MUC5AC: variants seen among roughly 807,000 people sequenced by gnomAD.
MUC5AC encodes the protein mucin 5AC, oligomeric mucus/gel-forming, also known as mucin-5AC.
In MUC5AC, 158 loss-of-function variants were observed where a neutral mutation model predicts 169.7. The observed-to-expected ratio is 0.93, with a 90% confidence interval of 0.82 to 1.06. MUC5AC has a LOEUF of 1.06. Ranked by LOEUF, MUC5AC falls within the 50% of genes least tolerant of loss-of-function variation. The pLI, the probability that MUC5AC is intolerant of heterozygous loss-of-function variation, is 0.00. For synonymous variants in MUC5AC, 1,975 were observed against 1,237.0 expected (o/e 1.60, Z -12.52); for missense variants, 4,359 against 3,089.9 (o/e 1.41, Z -9.74).
rs1353259851 is a variant in MUC5AC, at chr11:1,187,031, C to T, written c.8886C>T (p.Thr2962=). Reference sequence around the variant, plus strand: ...CCAGCACAATCTCTGTTCCTACCACCAGCACAACTTCTGCTTCTACAACCA... The same window carrying T: ...CCAGCACAATCTCTGTTCCTACCACTAGCACAACTTCTGCTTCTACAACCA... ...PTTSTISVPT[T]STTSASTTST... Residue 2962 remains threonine, a synonymous_variant, in exon 31 of 49, where the codon ACC becomes ACT. Transcript: ENST00000621226. 4.0e-6 allele frequency: 3 copies of T among 747,810 alleles called. No homozygotes were observed. The highest frequency in any genetic ancestry group is 7.3e-6 in the Non-Finnish European group (3 of 409,522). The allele number at this position is 747,810 out of a possible 1,614,324, so 46.3% of individuals were successfully genotyped here.
Position 1,196,398 on chromosome 11 carries a change from C to A in MUC5AC, c.15648C>A (p.Cys5216Ter). 1 of 764,948 alleles carries A rather than the reference C, an allele frequency of 1.3e-6. No individual in the cohort carries two copies. The allele number at this position is 764,948 out of a possible 1,614,324, so 47.4% of individuals were successfully genotyped here. ...TTCCCCTCCCCACAGCATTCACCTG[C>A]CCAGCCGACAAGGTGTACCAGCCCT... is the stretch of plus-strand genomic sequence containing the variant. ...GRTGHMCPFT[C>*]PADKVYQPCG... The change falls in exon 38 of 49, where the codon TGC becomes TGA. Residue 5216 changes from cysteine to a stop codon, truncating the protein, a stop_gained. Transcript: ENST00000621226. LOFTEE classifies it high-confidence loss of function.
intron 32 of MUC5AC, among the ~76,000 whole-genome samples, 175 bp from the exon 33 acceptor site, chr11:1,193,310 G>GC (rs1188039009): frequency 1 from 152,266 of 152,288 alleles, 76,122 homozygotes; most frequent in Middle Eastern, 1. Flanking sequence ...AGAGGCCCCT[G>GC]CCCGGGCCAG....
At chr11:1,180,719 G>A (rs1046752052) in intron 28 of MUC5AC, among the ~76,000 whole-genome samples, 1 of 152,292 alleles carries the variant, frequency 6.6e-6, no homozygotes, top group African/African-American at 2.4e-5. Context: ...TCCCAGAGGC[G>A]GGACTGGGTG....
rs1476099339 is a variant in MUC5AC, at chr11:1,186,926, T to G, written c.8781T>G (p.Ala2927=). 33 of 717,142 alleles carry G rather than the reference T, an allele frequency of 4.6e-5. No individual in the cohort carries two copies. The Admixed American group carries it at 6.4e-4, about 14-fold the overall frequency. The allele number at this position is 717,142 out of a possible 1,614,324, so 44.4% of individuals were successfully genotyped here. ...CCCCTACAAGCAGCACAACCTCAGC[T>G]ACTACAACCAGCACAATCTCTGTTC... ...TSAPTSSTTS[A]TTTSTISVPT... The change falls in exon 31 of 49, where the codon GCT becomes GCG. Residue 2927 remains alanine (A), a synonymous_variant. Transcript: ENST00000621226.
intron 15 of MUC5AC, among the ~76,000 whole-genome samples, chr11:1,170,988 CTACT>C (rs1263423271): frequency 7.9e-4 from 71 of 89,776 alleles, no homozygotes; most frequent in South Asian, 1.4e-3. Context: ...CCCCACTCAC[CTACT>C]CACTCACCCA....
Position 1,174,483 on chromosome 11 carries a change from C to T in MUC5AC, c.1966-13C>T. 5 of 1,508,014 alleles carry T rather than the reference C, an allele frequency of 3.3e-6. No homozygotes were observed. Among genetic ancestry groups the T allele is most frequent in the Non-Finnish European group, 3.6e-6 (4 of 1,118,036 alleles). The allele number at this position is 1,508,014 out of a possible 1,614,324, so 93.4% of individuals were successfully genotyped here. A position where few individuals can be genotyped will look rare whatever the true frequency, so the allele number is the denominator to read the frequency against. On this transcript the variant is annotated splice_polypyrimidine_tract_variant and intron_variant, in intron 16 of 48. Coordinates refer to ENST00000621226, the MANE Select transcript of MUC5AC (RefSeq NM_001304359.2). ...TGGGGTCTCTGATGCCCCGATGACCCCCTTCCCTGCAGAACTGCATGTTTG... is the reference window on the plus strand; with the variant it reads ...TGGGGTCTCTGATGCCCCGATGACCTCCTTCCCTGCAGAACTGCATGTTTG...
chr11:1,178,004 C>T (rs1479592495), intron 24 of MUC5AC, among the ~76,000 whole-genome samples: 10 of 152,202 alleles, frequency 6.6e-5, no homozygotes, highest in Non-Finnish European at 1.5e-4. Flanking sequence ...TCACTTGGAT[C>T]GCCGCCCCGT....
chr11:1,190,532 AACCTCTGCCCCTACAACCAGCACG>A lies in MUC5AC; in HGVS notation c.12393_12416del (p.Thr4135_Thr4142del), dbSNP rs1861062015. The A allele has an allele frequency of 4.8e-6, 3 of 631,036 alleles. No homozygotes were observed. The highest frequency in any genetic ancestry group is 5.9e-6 in the Non-Finnish European group (2 of 338,836). The allele number at this position is 631,036 out of a possible 1,614,324, so 39.1% of individuals were successfully genotyped here. A position where few individuals can be genotyped will look rare whatever the true frequency, so the allele number is the denominator to read the frequency against. ...CAACCTCTGCCCCTACAACCAGCAC[AACCTCTGCCCCTACAACCAGCACG>A]ACCTCAGCTCCTACACACAGAACGA... is the stretch of plus-strand genomic sequence containing the variant. On this transcript the variant is annotated inframe_deletion, in exon 31 of 49. Coordinates refer to ENST00000621226, the MANE Select transcript of MUC5AC (RefSeq NM_001304359.2).
Position 1,188,940 on chromosome 11 carries a change from C to T in MUC5AC, c.10795C>T (p.Gln3599Ter), listed in dbSNP as rs1446505908. 1.4e-6 allele frequency: 1 copy of T among 738,214 alleles called. No homozygotes were observed. The highest frequency in any genetic ancestry group is 2.5e-6 in the Non-Finnish European group (1 of 405,444). 45.7% of individuals were successfully genotyped at this position (738,214 alleles called of 1,614,324 possible). A position where few individuals can be genotyped will look rare whatever the true frequency, so the allele number is the denominator to read the frequency against. The change falls in exon 31 of 49, where the codon CAG becomes TAG. Residue 3599 changes from glutamine (Q) to a stop codon, truncating the protein, a stop_gained. Transcript: ENST00000621226. LOFTEE classifies it high-confidence loss of function. ...CGAAGAGGGCCTGGTGTGCCGGAACCAGGACCAGCAGGGACCCTTCAAGAT... is the reference window on the plus strand; with the variant it reads ...CGAAGAGGGCCTGGTGTGCCGGAACTAGGACCAGCAGGGACCCTTCAAGAT... Reference protein sequence around the residue: ...SREEGLVCRNQDQQGPFKMCL... With the variant: ...SREEGLVCRN
rs1303836709 is a variant in MUC5AC at position 1,175,892 on chromosome 11, C to G, written c.2402-259C>G. 8.5e-4 allele frequency among the ~76,000 whole-genome samples: 118 copies of G among 138,352 alleles called. 3 individuals are homozygous for G. The highest frequency in any genetic ancestry group is 3.2e-3 in the African/African-American group (116 of 36,078). 90.8% of individuals were successfully genotyped at this position (138,352 alleles called of 152,430 possible). On this transcript the variant is annotated intron_variant, in intron 19 of 48. Transcript: ENST00000621226. Reference sequence around the variant, plus strand: ...ACACATCCACTCATGCACATGCACACACACCCACACATGCACACACACCCA... The same window carrying G: ...ACACATCCACTCATGCACATGCACAGACACCCACACATGCACACACACCCA...
In MUC5AC at chr11:1,184,974, A is replaced by G. The variant is rs1860895242; in HGVS notation, c.6829A>G (p.Thr2277Ala). ...STTYAHTTST[T>A]SAPTARTTSA... Reference sequence around the variant, plus strand: ...AACCTATGCCCATACAACCAGCACAACCTCTGCTCCTACAGCCAGAACAAC... The same window carrying G: ...AACCTATGCCCATACAACCAGCACAGCCTCTGCTCCTACAGCCAGAACAAC... The change falls in exon 31 of 49, where the codon ACC (threonine) becomes GCC (alanine). Residue 2277 changes from threonine (T) to alanine (A), a missense_variant. Physicochemically the swap from Thr to Ala is moderately conservative, Grantham distance 58. Coordinates refer to ENST00000621226, the MANE Select transcript of MUC5AC (RefSeq NM_001304359.2). 3.0e-6 allele frequency: 2 copies of G among 667,284 alleles called. No individual in the cohort carries two copies. Among genetic ancestry groups the G allele is most frequent in the Non-Finnish European group, 5.4e-6 (2 of 367,114 alleles). 41.3% of individuals were successfully genotyped at this position (667,284 alleles called of 1,614,324 possible). A position where few individuals can be genotyped will look rare whatever the true frequency, so the allele number is the denominator to read the frequency against.
chr11:1,172,733 C>T (rs1030514564), intron 16 of MUC5AC, among the ~76,000 whole-genome samples: 1 of 151,726 alleles, frequency 6.6e-6, no homozygotes, highest in African/African-American at 2.4e-5. Context: ...ACATTCACCA[C>T]TCACCCACAC....
At position 1,186,022 on chromosome 11, in the gene MUC5AC, C is replaced by T; in HGVS notation, c.7877C>T (p.Thr2626Ile). ...PISSTTSATT[T>I]SRISGPETTP... is the part of the protein sequence containing the mutation. ...AGCAGCACAACCTCTGCCACTACAA[C>T]CAGCAGAATCTCTGGTCCTGAAACT... The change falls in exon 31 of 49, where the codon ACC (threonine) becomes ATC (isoleucine). Residue 2626 changes from threonine (T) to isoleucine (I), a missense_variant. Physicochemically the swap from Thr to Ile is moderately conservative, Grantham distance 89. Transcript: ENST00000621226. 2 of 730,652 alleles carry T rather than the reference C, an allele frequency of 2.7e-6. No individual in the cohort carries two copies. Among genetic ancestry groups the T allele is most frequent in the East Asian group, 2.5e-5 (1 of 39,542 alleles). 45.3% of individuals were successfully genotyped at this position (730,652 alleles called of 1,614,324 possible). A position where few individuals can be genotyped will look rare whatever the true frequency, so the allele number is the denominator to read the frequency against.
chr11:1,175,566 T>C (rs1443584481), intron 19 of MUC5AC, among the ~76,000 whole-genome samples: 1 of 110,400 alleles, frequency 9.1e-6, no homozygotes, highest in African/African-American at 3.5e-5. Flanking sequence ...CTCACACTCA[T>C]GCACATGCTC....
rs1860840267 is a variant in MUC5AC, at chr11:1,182,553, C to G, written c.4408C>G (p.Gln1470Glu). 5.0e-6 allele frequency: 2 copies of G among 398,686 alleles called. No homozygotes were observed. Among genetic ancestry groups the G allele is most frequent in the South Asian group, 1.3e-4 (1 of 7,862 alleles). The allele number at this position is 398,686 out of a possible 1,614,324, so 24.7% of individuals were successfully genotyped here. ...GGCATCGGGGCTCTGCTACAACTACCAGATCAGGGTCCAGTGCTGCACGCC... is the reference window on the plus strand; with the variant it reads ...GGCATCGGGGCTCTGCTACAACTACGAGATCAGGGTCCAGTGCTGCACGCC... ...EQASGLCYNY[Q>E]IRVQCCTPLP... is the part of the protein sequence containing the mutation. Residue 1470 changes from glutamine to glutamate, a missense_variant, in exon 31 of 49, where the codon CAG becomes GAG. Transcript: ENST00000621226.
At chr11:1,170,573 CCACTCACCTACTCACTCACT>C (rs1860480107) in intron 15 of MUC5AC, among the ~76,000 whole-genome samples, 2 of 134,698 alleles carry the variant, frequency 1.5e-5, no homozygotes, top group Non-Finnish European at 3.2e-5. Flanking sequence ...ACCCACTCAC[CCACTCACCTACTCACTCACT>C]CACTCACCCA....
intron 30 of MUC5AC, 126 bp from the exon 31 acceptor site, chr11:1,182,029 C>G (rs1021509996): frequency 2.5e-6 from 1 of 398,138 alleles, no homozygotes; most frequent in African/African-American, 2.1e-5. Context: ...GAGCAGGGAC[C>G]GCGGGTGGGG....
At chr11:1,197,747 T>C in intron 41 of MUC5AC, 108 bp downstream of exon 41, 1 of 630,730 alleles carries the variant, frequency 1.6e-6, no homozygotes, top group Non-Finnish European at 2.9e-6. Flanking sequence ...GGACAGTGCC[T>C]ACGAGGGCGT....
chr11:1,191,222 C>T lies in MUC5AC; in HGVS notation c.13077C>T (p.Thr4359=), dbSNP rs1168258167. 1.4e-5 allele frequency: 10 copies of T among 710,640 alleles called. No homozygotes were observed. Among genetic ancestry groups the T allele is most frequent in the African/African-American group, 4.4e-5 (2 of 45,668 alleles). The allele number at this position is 710,640 out of a possible 1,614,324, so 44.0% of individuals were successfully genotyped here. A position where few individuals can be genotyped will look rare whatever the true frequency, so the allele number is the denominator to read the frequency against. Residue 4359 remains threonine (T), a synonymous_variant, in exon 31 of 49, where the codon ACC becomes ACT. Coordinates refer to ENST00000621226, the MANE Select transcript of MUC5AC (RefSeq NM_001304359.2). ...PTTSTTSAPT[T]STTSASTAST... is the part of the protein sequence containing the mutation. Reference sequence around the variant, plus strand: ...CCAGCACAACCTCTGCTCCTACAACCAGCACAACCTCTGCCTCTACAGCCA... The same window carrying T: ...CCAGCACAACCTCTGCTCCTACAACTAGCACAACCTCTGCCTCTACAGCCA...
Sources: gnomAD v4.1 joint callset for allele counts (sites outside exome capture counted in the v4.1 genomes callset) on GRCh38, gnomAD v4.1.1 for gene constraint, MANE v1.5 for transcripts, NCBI Gene and HGNC (gene_info 2026-07-23, HGNC 2026-07-21) for gene names.